The following PCDH15 variants were observed in gnomAD, a reference collection of about 807,000 sequenced individuals.
PCDH15 encodes the protein protocadherin related 15, also known as protocadherin-15.
Under a neutral mutation model 178.5 loss-of-function variants are expected in PCDH15, and 129 were observed. The observed-to-expected ratio is 0.72, with a 90% CI of 0.63 to 0.84. PCDH15 has a LOEUF of 0.84. Among genes scored for constraint, PCDH15 ranks in the 40% least tolerant of loss-of-function variants. The pLI is 0.00. For missense variants in PCDH15, 2,230 were observed against 2,099.9 expected, an observed-to-expected ratio of 1.06 and a Z score of -1.21; for synonymous variants, 800 against 732.0, an observed-to-expected ratio of 1.09 and a Z score of -1.50.
intron 7 of PCDH15, among the ~76,000 whole-genome samples, chr10:54,319,182 G>A (rs1203327211): frequency 6.6e-6 from 1 of 152,066 alleles, no homozygotes; most frequent in Admixed American, 6.6e-5. Flanking sequence ...ATGCTTTTCT[G>A]CCTTTTTGAA....
intron 3 of PCDH15, among the ~76,000 whole-genome samples, chr10:54,446,879 A>G (rs2076171677): frequency 6.6e-6 from 1 of 151,602 alleles, no homozygotes; most frequent in Admixed American, 6.6e-5. Context: ...TCAAGGTAAC[A>G]AAAAACATTC....
At chr10:54,229,201 T>A (rs2053793475) in intron 9 of PCDH15, among the ~76,000 whole-genome samples, 1 of 152,140 alleles carries the variant, frequency 6.6e-6, no homozygotes, top group South Asian at 2.1e-4. Flanking sequence ...GTCAAAACCG[T>A]GGAGATCCAG....
intron 2 of PCDH15, among the ~76,000 whole-genome samples, chr10:54,926,430 C>G (rs988418726): frequency 4.6e-5 from 7 of 151,974 alleles, no homozygotes; most frequent in African/African-American, 1.7e-4. Context: ...TTGTTGTACT[C>G]TGCCTGGTTT....
intron 8 of PCDH15, among the ~76,000 whole-genome samples, chr10:54,239,414 A>AATATTATATATATATATAT (rs941873642): frequency 7.2e-6 from 1 of 138,164 alleles, no homozygotes; most frequent in Admixed American, 7.1e-5. Flanking sequence ...CCTGTGATTA[A>AATATTATATATATATATAT]ATATATATAT....
intron 2 of PCDH15, among the ~76,000 whole-genome samples, chr10:54,948,671 C>G (rs1459826528): frequency 6.6e-6 from 1 of 151,892 alleles, no homozygotes; most frequent in Non-Finnish European, 1.5e-5. Flanking sequence ...CATTCAACTT[C>G]TCCTAACAAG....
chr10:55,060,293 T>C (rs1014336853), intron 2 of PCDH15, among the ~76,000 whole-genome samples: 1 of 152,128 alleles, frequency 6.6e-6, no homozygotes. Flanking sequence ...TATTTATTGA[T>C]ATTATTAATC....
At chr10:55,421,741 A>G (rs866515215) in intron 2 of PCDH15, among the ~76,000 whole-genome samples, 2 of 151,622 alleles carry the variant, frequency 1.3e-5, no homozygotes, top group Middle Eastern at 3.3e-3. Context: ...TTTGGTAGAT[A>G]ACCTGCTTAT....
intron 1 of PCDH15, among the ~76,000 whole-genome samples, chr10:55,256,603 A>G (rs1842005117): frequency 6.6e-6 from 1 of 152,198 alleles, no homozygotes; most frequent in Non-Finnish European, 1.5e-5. Flanking sequence ...GGAGGGTCCC[A>G]TGCCCATGAA....
At chr10:54,938,585 T>C (rs2131860686) in intron 2 of PCDH15, among the ~76,000 whole-genome samples, 1 of 152,284 alleles carries the variant, frequency 6.6e-6, no homozygotes, top group South Asian at 2.1e-4. Context: ...ATTTATACTT[T>C]TCTATTTTAA....
chr10:54,208,959 T>C (rs1477700486), intron 10 of PCDH15, among the ~76,000 whole-genome samples: 2 of 152,064 alleles, frequency 1.3e-5, no homozygotes, highest in Non-Finnish European at 2.9e-5. Flanking sequence ...ATCGTTTCCA[T>C]CTCTTGTCTT....
intron 5 of PCDH15, among the ~76,000 whole-genome samples, chr10:54,352,554 C>T (rs1225820891): frequency 6.6e-6 from 1 of 152,126 alleles, no homozygotes; most frequent in Non-Finnish European, 1.5e-5. Flanking sequence ...TTAATCACTA[C>T]AGTTACTTAT....
At chr10:53,923,967 T>G (rs763422017) in intron 25 of PCDH15, among the ~76,000 whole-genome samples, 9 of 152,222 alleles carry the variant, frequency 5.9e-5, no homozygotes, top group Non-Finnish European at 1.0e-4. Flanking sequence ...GACAATAATT[T>G]TTTTTTCTTT....
rs139057519 is a variant in PCDH15, at chr10:55,350,351, C to T, written c.-155-183700G>A. Among the ~76,000 whole-genome samples the T allele has an allele frequency of 5.5e-3, 812 of 147,782 alleles. 9 individuals are homozygous for T. Among genetic ancestry groups the T allele is most frequent in the African/African-American group, 0.019 (777 of 40,342 alleles). ...AATGATCTGAGTACTAGGAAGCCTCCTAGGCCACCAGGGAGGTAGGAAAGT... is the reference window on the plus strand; with the variant it reads ...AATGATCTGAGTACTAGGAAGCCTCTTAGGCCACCAGGGAGGTAGGAAAGT... On this transcript the variant is annotated intron_variant, in intron 2 of 5. Transcript: ENST00000613346.
At chr10:55,359,744 A>ATATATATATC in intron 2 of PCDH15, among the ~76,000 whole-genome samples, 1 of 117,272 alleles carries the variant, frequency 8.5e-6, no homozygotes, top group South Asian at 2.6e-4. Flanking sequence ...ATATATATAT[A>ATATATATATC]TATACACACA....
chr10:55,274,494 C>T (rs1842532721), intron 1 of PCDH15, among the ~76,000 whole-genome samples: 1 of 152,028 alleles, frequency 6.6e-6, no homozygotes, highest in Non-Finnish European at 1.5e-5. Flanking sequence ...TCCCATTCTC[C>T]TAGATTTCTG....
Position 54,180,622 on chromosome 10 carries a change from T to C in PCDH15, c.1590+2822A>G, listed in dbSNP as rs183631584. Among the ~76,000 whole-genome samples, 4 of 152,320 alleles carry C rather than the reference T, an allele frequency of 2.6e-5. No homozygotes were observed. In the East Asian group the frequency reaches 5.8e-4, roughly 22 times the overall value. ...AGGTGTAGCATAGGGACCTATGTCA[T>C]GACTCTTAAAGGGTATATGTAGATC... On this transcript the variant is annotated intron_variant, in intron 13 of 37. Coordinates refer to ENST00000644397, the MANE Select transcript of PCDH15 (RefSeq NM_001384140.1).
rs564810483 is a variant in PCDH15, at chr10:55,497,493, A to G, written c.-156+130132T>C. Among the ~76,000 whole-genome samples, 167 of 151,930 alleles carry G rather than the reference A, an allele frequency of 1.1e-3. 2 individuals carry two copies. Among genetic ancestry groups the G allele is most frequent in the Non-Finnish European group, 2.1e-4 (14 of 67,878 alleles). ...GGCTTGGCTTACTTTTCTGTAAGTAATAACACAGCTTTGATGACTTGATCA... is the reference window on the plus strand; with the variant it reads ...GGCTTGGCTTACTTTTCTGTAAGTAGTAACACAGCTTTGATGACTTGATCA... On this transcript the variant is annotated intron_variant, in intron 2 of 5. Coordinates refer to the PCDH15 transcript ENST00000613346.
intron 29 of PCDH15, among the ~76,000 whole-genome samples, chr10:53,837,006 T>C (rs1274173467): frequency 6.6e-6 from 1 of 150,834 alleles, no homozygotes; most frequent in African/African-American, 2.4e-5. Context: ...AGTGAGTTCA[T>C]CAATAGGCTA....
chr10:54,885,641 G>A (rs997506943), intron 3 of PCDH15, among the ~76,000 whole-genome samples: 5 of 151,964 alleles, frequency 3.3e-5, no homozygotes, highest in Admixed American at 6.6e-5. Context: ...TAAGATGATC[G>A]CAAACTCATC....
Sources: allele counts gnomAD v4.1 joint callset (sites outside exome capture counted in the v4.1 genomes callset), GRCh38; gene constraint gnomAD v4.1.1; transcripts MANE v1.5; gene names NCBI Gene and HGNC (gene_info 2026-07-23, HGNC 2026-07-21).